DOCK3: variants seen among roughly 807,000 people sequenced by gnomAD.
DOCK3 encodes the protein dedicator of cytokinesis protein 3.
Under a neutral mutation model 265.6 loss-of-function variants are expected in DOCK3, and 60 were observed. The observed-to-expected ratio is 0.23, with a 90% confidence interval of 0.18 to 0.28. DOCK3 has a LOEUF of 0.28. Among genes scored for constraint, DOCK3 ranks in the 10% least tolerant of loss-of-function variants. The probability of loss-of-function intolerance (pLI) is 1.00; values close to 1 mark genes in which losing one functional copy is unlikely to be tolerated. For missense variants in DOCK3, 1,981 were observed against 2,594.3 expected (o/e 0.76, Z 5.14); for synonymous variants, 881 against 938.0 (o/e 0.94, Z 1.11).
intron 2 of DOCK3, among the ~76,000 whole-genome samples, chr3:50,801,392 T>G (rs1182872899): frequency 6.6e-6 from 1 of 152,006 alleles, no homozygotes. Flanking sequence ...GTAATTGGAA[T>G]GAGTCAGGGT....
intron 3 of DOCK3, among the ~76,000 whole-genome samples, chr3:50,867,719 G>T (rs2047215760): frequency 6.6e-6 from 1 of 151,428 alleles, no homozygotes; most frequent in South Asian, 2.1e-4. Flanking sequence ...TGTTGATAAT[G>T]ATGTATCACA....
chr3:51,160,558 G>T lies in DOCK3; in HGVS notation c.893G>T (p.Arg298Leu), dbSNP rs750842490. 4 of 1,607,850 alleles carry T rather than the reference G, an allele frequency of 2.5e-6. No individual in the cohort carries two copies. Among genetic ancestry groups the T allele is most frequent in the Non-Finnish European group, 3.4e-6 (4 of 1,177,674 alleles). Residue 298 changes from arginine to leucine, a missense_variant, in exon 12 of 53, where the codon CGG becomes CTG. Arg to Leu is a moderately radical substitution (Grantham distance 102). Coordinates refer to ENST00000266037, the MANE Select transcript of DOCK3 (RefSeq NM_004947.5). ...GGTGTTTTCTGCTGTGCCCAAGGCC[G>T]GATGCTCCTGAACGACTCAAAGAAA... ...YIVAHVIRIG[R>L]MLLNDSKKGP...
At chr3:51,330,044 T>C (rs2084414116) in intron 32 of DOCK3, 94 bp from the exon 33 acceptor site, 1 of 1,212,646 alleles carries the variant, frequency 8.2e-7, no homozygotes, top group Admixed American at 2.0e-5. Context: ...GATCAGGAAG[T>C]AGTTTCCCAC....
intron 5 of DOCK3, among the ~76,000 whole-genome samples, chr3:50,987,896 A>T (rs2077962160): frequency 6.6e-6 from 1 of 152,200 alleles, no homozygotes; most frequent in Non-Finnish European, 1.5e-5. Context: ...AGCTACTTGG[A>T]GTCTCAGCAG....
intron 2 of DOCK3, among the ~76,000 whole-genome samples, chr3:50,837,314 A>C (rs1025332415): frequency 2.6e-5 from 4 of 152,226 alleles, no homozygotes; most frequent in African/African-American, 9.7e-5. Flanking sequence ...AAGACTGGGT[A>C]ATTTATAAAG....
At chr3:51,305,522 T>C (rs1034509534) in intron 27 of DOCK3, among the ~76,000 whole-genome samples, 2 of 152,226 alleles carry the variant, frequency 1.3e-5, no homozygotes, top group African/African-American at 4.8e-5. Context: ...CTCCGTCTTT[T>C]AGTTGGAGTG....
At chr3:50,969,233 C>A (rs1346393430) in intron 5 of DOCK3, among the ~76,000 whole-genome samples, 1 of 152,030 alleles carries the variant, frequency 6.6e-6, no homozygotes, top group South Asian at 2.1e-4. Context: ...ATAATGACCT[C>A]CTTTATCTTT....
chr3:51,267,424 G>C (rs1267628354), intron 23 of DOCK3, among the ~76,000 whole-genome samples: 1 of 121,728 alleles, frequency 8.2e-6, no homozygotes, highest in African/African-American at 3.2e-5. Flanking sequence ...CACTCTTGTT[G>C]CCCAAGCTGG....
chr3:51,220,303 A>G (rs968069892), intron 14 of DOCK3, among the ~76,000 whole-genome samples: 1 of 152,156 alleles, frequency 6.6e-6, no homozygotes, highest in African/African-American at 2.4e-5. Flanking sequence ...GAGAAAGCAC[A>G]TCTGTAGAAA....
At chr3:50,919,492 A>C (rs1368776262) in intron 4 of DOCK3, among the ~76,000 whole-genome samples, 10 of 152,020 alleles carry the variant, frequency 6.6e-5, no homozygotes, top group Admixed American at 6.6e-4. Context: ...TTATATTCCT[A>C]GGTATTTTAT....
chr3:50,838,439 G>T (rs1053452108), intron 2 of DOCK3, among the ~76,000 whole-genome samples: 1 of 152,178 alleles, frequency 6.6e-6, no homozygotes, highest in African/African-American at 2.4e-5. Context: ...GTTCCTAGTA[G>T]TAATCAAACC....
chr3:50,929,994 C>T (rs1012770212), intron 4 of DOCK3, among the ~76,000 whole-genome samples: 1 of 152,184 alleles, frequency 6.6e-6, no homozygotes, highest in Non-Finnish European at 1.5e-5. Flanking sequence ...TGGAATTATC[C>T]ACTTACTTCC....
At chr3:50,971,086 T>A (rs1162561100) in intron 5 of DOCK3, among the ~76,000 whole-genome samples, 1 of 149,118 alleles carries the variant, frequency 6.7e-6, no homozygotes, top group Non-Finnish European at 1.5e-5. Flanking sequence ...GGCTTTGTCC[T>A]CCCAAAGTGA....
chr3:50,876,979 C>G (rs1015550180), intron 3 of DOCK3: 1 of 155,682 alleles, frequency 6.4e-6, no homozygotes, highest in African/African-American at 2.4e-5. Flanking sequence ...CATCAGCTCT[C>G]GTTAGTGTTA....
rs527839886 is a variant in DOCK3, at chr3:50,780,111, G to A, written c.121+1353G>A. ...CTCTGGAAAGGGAGCTACACGTACC[G>A]TTTTAAATTTTCTTAAAAACAGAAG... On this transcript the variant is annotated intron_variant, in intron 2 of 52. Coordinates refer to ENST00000266037, the MANE Select transcript of DOCK3 (RefSeq NM_004947.5). Among the ~76,000 whole-genome samples the A allele has an allele frequency of 7.9e-5, 12 of 152,256 alleles. No individual in the cohort carries two copies. The South Asian group carries it at 1.7e-3, about 21-fold the overall frequency.
intron 5 of DOCK3, among the ~76,000 whole-genome samples, chr3:50,949,340 C>T (rs544519097): frequency 2.6e-4 from 39 of 152,120 alleles, no homozygotes; most frequent in Admixed American, 2.0e-3. Context: ...AGAAGGACAA[C>T]GGATTTAAAT....
intron 4 of DOCK3, among the ~76,000 whole-genome samples, chr3:50,922,575 G>A (rs987911278): frequency 1.3e-5 from 2 of 152,108 alleles, no homozygotes; most frequent in South Asian, 2.1e-4. Flanking sequence ...AGATGAACCC[G>A]GTACCTCAAT....
chr3:50,714,744 A>G (rs2036993310), intron 1 of DOCK3, among the ~76,000 whole-genome samples: 2 of 151,960 alleles, frequency 1.3e-5, no homozygotes, highest in African/African-American at 4.8e-5. Flanking sequence ...GCTTCTAACT[A>G]CCTCTCTAAG....
chr3:51,266,937 C>G (rs897963921), intron 23 of DOCK3, among the ~76,000 whole-genome samples: 2 of 152,056 alleles, frequency 1.3e-5, no homozygotes, highest in Admixed American at 6.5e-5. Flanking sequence ...ATCTGACAAA[C>G]GGCTAATATC....
Sources: gnomAD v4.1 joint callset for allele counts (sites outside exome capture counted in the v4.1 genomes callset) on GRCh38, gnomAD v4.1.1 for gene constraint, MANE v1.5 for transcripts, NCBI Gene and HGNC (gene_info 2026-07-23, HGNC 2026-07-21) for gene names.